CUL3: variants seen among roughly 807,000 people sequenced by gnomAD.
CUL3 encodes the protein cullin-3.
In CUL3, 19 loss-of-function variants were observed where a neutral mutation model predicts 89.1. The observed-to-expected ratio is 0.21, with a 90% CI of 0.15 to 0.31. The LOEUF (loss-of-function observed/expected upper bound fraction) is 0.31, where lower values mean the gene tolerates loss of function less well. Among genes scored for constraint, CUL3 ranks in the 10% least tolerant of loss-of-function variants. CUL3 has a pLI of 1.00. For missense variants in CUL3, 469 were observed against 942.3 expected (o/e 0.50, Z 6.58); for synonymous variants, 351 against 308.4 (o/e 1.14, Z -1.45).
intron 3 of CUL3, among the ~76,000 whole-genome samples, chr2:224,525,557 A>T (rs1693442546): frequency 6.6e-6 from 1 of 152,180 alleles, no homozygotes; most frequent in Non-Finnish European, 1.5e-5. Context: ...AACACAATAA[A>T]TTTTTTTGTT....
At chr2:224,571,735 T>A (rs900918857) in intron 1 of CUL3, among the ~76,000 whole-genome samples, 2 of 152,122 alleles carry the variant, frequency 1.3e-5, no homozygotes, top group African/African-American at 2.4e-5. Context: ...ACCATACCAT[T>A]CATAAAGAAA....
chr2:224,520,747 G>A (rs1179536328), intron 3 of CUL3, among the ~76,000 whole-genome samples: 2 of 152,060 alleles, frequency 1.3e-5, no homozygotes, highest in Non-Finnish European at 2.9e-5. Context: ...GAAGACACGA[G>A]GACACCAACA....
chr2:224,581,198 C>T (rs756358221), intron 1 of CUL3, among the ~76,000 whole-genome samples: 1 of 151,954 alleles, frequency 6.6e-6, no homozygotes, highest in Non-Finnish European at 1.5e-5. Context: ...AGTTCAAGAC[C>T]AGCCTGACCA....
intron 13 of CUL3, among the ~76,000 whole-genome samples, chr2:224,484,809 C>T (rs1691657245): frequency 1.3e-5 from 2 of 152,136 alleles, no homozygotes; most frequent in South Asian, 4.1e-4. Context: ...CAATTAAATT[C>T]AGTTTTTAGA....
At position 224,583,575 on chromosome 2, in the gene CUL3, A is replaced by G. The variant is rs374284308; in HGVS notation, c.66+1369T>C. Among the ~76,000 whole-genome samples the G allele has an allele frequency of 1.5e-4, 23 of 152,358 alleles. No homozygotes were observed. The East Asian group carries it at 3.7e-3, about 24-fold the overall frequency. ...ACGTTTACTTAGAAAAAAGTTTGAA[A>G]CATTCAAAAAATCTTTAATTATTAT... On this transcript the variant is annotated intron_variant, in intron 1 of 15. Transcript: ENST00000264414.
intron 3 of CUL3, among the ~76,000 whole-genome samples, chr2:224,521,890 C>A (rs1693279842): frequency 6.6e-6 from 1 of 151,600 alleles, no homozygotes; most frequent in Non-Finnish European, 1.5e-5. Context: ...TTAAATAGTT[C>A]TTCTTTCAGT....
chr2:224,510,436 T>C (rs2106212983), intron 6 of CUL3, among the ~76,000 whole-genome samples: 1 of 152,200 alleles, frequency 6.6e-6, no homozygotes, highest in Non-Finnish European at 1.5e-5. Context: ...GCTTTCGTTT[T>C]CCTTTCTCTT....
chr2:224,483,834 C>T (rs1206841630), intron 13 of CUL3, among the ~76,000 whole-genome samples: 4 of 152,118 alleles, frequency 2.6e-5, no homozygotes, highest in South Asian at 2.1e-4. Flanking sequence ...ACTTTGAGCA[C>T]GAAAGCCTGT....
chr2:224,539,158 A>G (rs1010065243), intron 2 of CUL3, among the ~76,000 whole-genome samples: 1 of 152,244 alleles, frequency 6.6e-6, no homozygotes, highest in African/African-American at 2.4e-5. Flanking sequence ...AAGGCAAAAG[A>G]TCTTGACAGA....
intron 1 of CUL3, among the ~76,000 whole-genome samples, chr2:224,576,693 G>C (rs979630927): frequency 6.8e-6 from 1 of 147,576 alleles, no homozygotes; most frequent in East Asian, 2.1e-4. Flanking sequence ...AAAAAGGGGG[G>C]GGGGGGAGGA....
chr2:224,577,424 C>G (rs1695327706), intron 1 of CUL3, among the ~76,000 whole-genome samples: 1 of 152,060 alleles, frequency 6.6e-6, no homozygotes, highest in East Asian at 1.9e-4. Context: ...AAAAAATTAG[C>G]CAGGCGTGGT....
intron 1 of CUL3, among the ~76,000 whole-genome samples, chr2:224,584,694 G>T (rs1403157815): frequency 6.7e-6 from 1 of 150,242 alleles, no homozygotes; most frequent in South Asian, 2.1e-4. Flanking sequence ...CGGAGCGGCT[G>T]AAGGAGCAGC....
rs560337981 is a variant in CUL3 at position 224,496,072 on chromosome 2, C to G, written c.1708-106G>C. ...ATGTTACAGGGTCTCACTTTGTCAT[C>G]CAGGCTACAGTGCAGTGGCGCAAAC... On this transcript the variant is annotated intron_variant, in intron 12 of 15. Transcript: ENST00000264414. 1.0e-4 allele frequency: 130 copies of G among 1,284,144 alleles called. 1 individual carries two copies. The South Asian group carries it at 1.7e-3, about 17-fold the overall frequency. The allele number at this position is 1,284,144 out of a possible 1,614,324, so 79.5% of individuals were successfully genotyped here.
At chr2:224,565,423 G>C (rs1375727147) in intron 1 of CUL3, among the ~76,000 whole-genome samples, 1 of 152,130 alleles carries the variant, frequency 6.6e-6, no homozygotes, top group Non-Finnish European at 1.5e-5. Flanking sequence ...AGGTAGAAAG[G>C]GAGGCAGGAG....
intron 1 of CUL3, among the ~76,000 whole-genome samples, chr2:224,572,625 T>TGA (rs1164407352): frequency 1.2e-5 from 1 of 85,902 alleles, no homozygotes. Context: ...TGGGTGAGAG[T>TGA]GAGAGAAAAA....
intron 1 of CUL3, chr2:224,562,728 T>C (rs889396289): frequency 6.6e-6 from 1 of 152,082 alleles, no homozygotes; most frequent in African/African-American, 2.4e-5. Context: ...GATTAGAACT[T>C]ATATATCCCA....
chr2:224,513,029 C>T (rs1162860255), intron 5 of CUL3, among the ~76,000 whole-genome samples: 1 of 152,170 alleles, frequency 6.6e-6, no homozygotes, highest in African/African-American at 2.4e-5. Context: ...GATCCACTTC[C>T]ACTTAGTGAA....
At chr2:224,516,737 C>G (rs1431778866) in intron 3 of CUL3, among the ~76,000 whole-genome samples, 1 of 150,532 alleles carries the variant, frequency 6.6e-6, no homozygotes, top group Non-Finnish European at 1.5e-5. Context: ...ATCTCTACCT[C>G]CCAGGTTCAA....
At chr2:224,520,494 T>C (rs575927359) in intron 3 of CUL3, among the ~76,000 whole-genome samples, 7 of 152,372 alleles carry the variant, frequency 4.6e-5, no homozygotes, top group Admixed American at 4.6e-4. Flanking sequence ...TTTCCACTTC[T>C]AGTCCTGAAA....
Sources: gnomAD v4.1 joint callset for allele counts (sites outside exome capture counted in the v4.1 genomes callset) on GRCh38, gnomAD v4.1.1 for gene constraint, MANE v1.5 for transcripts, NCBI Gene and HGNC (gene_info 2026-07-23, HGNC 2026-07-21) for gene names.